Variants in RETREG1 observed in about 807,000 individuals in gnomAD.
The protein encoded by RETREG1 is family with sequence similarity 134 member B.
In RETREG1, 44 loss-of-function variants were observed where a neutral mutation model predicts 54.8. The ratio of observed to expected loss-of-function variants is 0.80; its 90% CI spans 0.63 to 1.03. The LOEUF (loss-of-function observed/expected upper bound fraction) is 1.03. Ranked by LOEUF, RETREG1 falls within the 50% of genes least tolerant of loss-of-function variation. The pLI is 0.00. For synonymous variants in RETREG1, 217 were observed against 238.5 expected, an observed-to-expected ratio of 0.91 and a Z score of 0.83; for missense variants, 554 against 605.1, an observed-to-expected ratio of 0.92 and a Z score of 0.89.
At chr5:16,575,277 G>A (rs1322214908) in intron 1 of RETREG1, among the ~76,000 whole-genome samples, 1 of 152,074 alleles carries the variant, frequency 6.6e-6, no homozygotes, top group Admixed American at 6.5e-5. Context: ...GCCCACTAAT[G>A]AGCTGTAATG....
At position 16,481,063 on chromosome 5, in the gene RETREG1, A is replaced by T. The variant is rs2126516891; in HGVS notation, c.616T>A (p.Phe206Ile). Reference sequence around the variant, plus strand: ...ATGTAACTTCCCAAGATCGTAAAAAATGTGCACACACTACAGACCAGGAGA... The same window carrying T: ...ATGTAACTTCCCAAGATCGTAAAAATTGTGCACACACTACAGACCAGGAGA... ...FCLLVCSVCT[F>I]FTILGSYIPG... Residue 206 changes from phenylalanine to isoleucine, a missense_variant, in exon 5 of 9, where the codon TTT (phenylalanine) becomes ATT (isoleucine). Around this residue, in one of 4 missense-constraint regions of RETREG1, gnomAD observed 347 missense variants for 412.3 expected, o/e 0.84. Transcript: ENST00000306320. 1 of 1,612,018 alleles carries T rather than the reference A, an allele frequency of 6.2e-7. No individual in the cohort carries two copies.
At chr5:16,522,106 G>T (rs1740551733) in intron 3 of RETREG1, among the ~76,000 whole-genome samples, 1 of 152,068 alleles carries the variant, frequency 6.6e-6, no homozygotes, top group Non-Finnish European at 1.5e-5. Context: ...CTTGGGAAAT[G>T]TGTTTCTGGA....
At chr5:16,614,565 G>A (rs1743438945) in intron 1 of RETREG1, among the ~76,000 whole-genome samples, 1 of 152,304 alleles carries the variant, frequency 6.6e-6, no homozygotes. Context: ...CATTGCTGGT[G>A]GGAGTATAAA....
chr5:16,576,880 C>G (rs1240647), intron 1 of RETREG1, among the ~76,000 whole-genome samples: 107,441 of 151,820 alleles, frequency 0.71, 38,147 homozygotes, highest in Middle Eastern at 0.81. Flanking sequence ...CTCCCAAAGT[C>G]CTGGGATTAT....
chr5:16,546,153 C>A (rs567371090), intron 3 of RETREG1, among the ~76,000 whole-genome samples: 2 of 152,270 alleles, frequency 1.3e-5, no homozygotes, highest in African/African-American at 4.8e-5. Flanking sequence ...TTCCACTGCA[C>A]AAATCTTGAA....
intron 1 of RETREG1, among the ~76,000 whole-genome samples, chr5:16,581,526 AACACACACACACAC>A (rs3993834): frequency 1.3e-4 from 18 of 143,638 alleles, no homozygotes; most frequent in South Asian, 2.1e-4. Flanking sequence ...TCAGAAACAC[AACACACACACACAC>A]ACACACACAC....
chr5:16,529,417 G>T (rs1417033863), intron 3 of RETREG1, among the ~76,000 whole-genome samples: 1 of 152,196 alleles, frequency 6.6e-6, no homozygotes, highest in Non-Finnish European at 1.5e-5. Context: ...ATTGCATCTT[G>T]AATTAGCAGC....
intron 3 of RETREG1, among the ~76,000 whole-genome samples, chr5:16,530,741 C>T (rs931301178): frequency 3.3e-5 from 5 of 151,968 alleles, no homozygotes; most frequent in East Asian, 1.9e-4. Flanking sequence ...GGTGTGGAGG[C>T]GTGCACTTGT....
intron 3 of RETREG1, among the ~76,000 whole-genome samples, chr5:16,545,736 A>G (rs1193611933): frequency 6.6e-6 from 1 of 152,072 alleles, no homozygotes; most frequent in African/African-American, 2.4e-5. Context: ...TCTTTCTCTC[A>G]GCTTCCATAA....
At chr5:16,611,504 CT>C (rs1468630084) in intron 1 of RETREG1, among the ~76,000 whole-genome samples, 1 of 152,214 alleles carries the variant, frequency 6.6e-6, no homozygotes. Flanking sequence ...ATCAGCAAGA[CT>C]TAGGAAACGG....
At position 16,561,038 on chromosome 5, in the gene RETREG1, C is replaced by T. The variant is rs1291240364; in HGVS notation, c.458+4725G>A. ...TACACTTCTCAGGCTGTATGGGGTACTTGCAACAGTTCACTTGTACCTCCC... is the reference window on the plus strand; with the variant it reads ...TACACTTCTCAGGCTGTATGGGGTATTTGCAACAGTTCACTTGTACCTCCC... On this transcript the variant is annotated intron_variant, in intron 3 of 8. Coordinates refer to ENST00000306320, the MANE Select transcript of RETREG1 (RefSeq NM_001034850.3). The surrounding 1 kb of genome is among the most constrained non-coding windows in gnomAD (Gnocchi z 4.2). 6.6e-6 allele frequency among the ~76,000 whole-genome samples: 1 copy of T among 152,160 alleles called. No individual in the cohort carries two copies. The highest frequency in any genetic ancestry group is 1.5e-5 in the Non-Finnish European group (1 of 68,034).
At chr5:16,579,450 G>A (rs1314151333) in intron 1 of RETREG1, among the ~76,000 whole-genome samples, 1 of 152,184 alleles carries the variant, frequency 6.6e-6, no homozygotes, top group Non-Finnish European at 1.5e-5. Context: ...AGAGCTGGAA[G>A]GACTGGCACC....
chr5:16,556,572 TA>T (rs1306399258), intron 3 of RETREG1, among the ~76,000 whole-genome samples: 1 of 152,086 alleles, frequency 6.6e-6, no homozygotes, highest in Non-Finnish European at 1.5e-5. Context: ...CAACAAAAAT[TA>T]TAAATTATAA....
chr5:16,565,876 C>A lies in RETREG1; in HGVS notation c.428-83G>T, dbSNP rs1741993320. ...TTTCTCAACTCTGAACTAGTCCAAGCTATTTAAAGTGGAATGCTCAGATCT... is the reference window on the plus strand; with the variant it reads ...TTTCTCAACTCTGAACTAGTCCAAGATATTTAAAGTGGAATGCTCAGATCT... On this transcript the variant is annotated intron_variant, in intron 2 of 8. Transcript: ENST00000306320. 2.1e-6 allele frequency: 3 copies of A among 1,431,054 alleles called. No individual in the cohort carries two copies. In the African/African-American group the frequency reaches 4.2e-5, roughly 20 times the overall value. 88.6% of individuals were successfully genotyped at this position (1,431,054 alleles called of 1,614,324 possible).
At chr5:16,488,178 G>C (rs10069330) in intron 3 of RETREG1, among the ~76,000 whole-genome samples, 76,343 of 152,104 alleles carry the variant, frequency 0.5, 20,781 homozygotes, top group Admixed American at 0.64. Context: ...ATAAAGAGGA[G>C]GGAGACTTCT....
intron 3 of RETREG1, among the ~76,000 whole-genome samples, chr5:16,510,818 CAAAAAAAAAAAA>C (rs57713373): frequency 1.3e-5 from 1 of 75,714 alleles, no homozygotes; most frequent in Non-Finnish European, 2.4e-5. Context: ...ACAACAACAA[CAAAAAAAAAAAA>C]AAAAAAAAAA....
chr5:16,566,511 T>C (rs762655807), intron 2 of RETREG1, among the ~76,000 whole-genome samples: 51 of 152,328 alleles, frequency 3.3e-4, no homozygotes, highest in Non-Finnish European at 6.0e-4. Context: ...TAAGAAATGA[T>C]CATGAGGAAG....
At chr5:16,528,168 G>A (rs1488582225) in intron 3 of RETREG1, among the ~76,000 whole-genome samples, 3 of 152,030 alleles carry the variant, frequency 2.0e-5, no homozygotes, top group South Asian at 2.1e-4. Context: ...AACGTGTTCC[G>A]GAAAATGTGT....
At chr5:16,565,335 C>A (rs561589582) in intron 3 of RETREG1, among the ~76,000 whole-genome samples, 4 of 152,326 alleles carry the variant, frequency 2.6e-5, no homozygotes, top group East Asian at 3.9e-4. Context: ...GTGTCTCCCC[C>A]ACCCCACAGT....
Sources: allele counts gnomAD v4.1 joint callset (sites outside exome capture counted in the v4.1 genomes callset), GRCh38; gene constraint gnomAD v4.1.1; regional missense constraint gnomAD v4.1.1; non-coding constraint Gnocchi (gnomAD v3.1); transcripts MANE v1.5; gene names NCBI Gene and HGNC (gene_info 2026-07-23, HGNC 2026-07-21).